Variants in ZNF804A observed in about 807,000 individuals in gnomAD.
ZNF804A encodes the protein zinc finger protein 804A.
A neutral mutation model predicts 16.5 loss-of-function variants in ZNF804A; 2 were observed. The ratio of observed to expected loss-of-function variants is 0.12; its 90% CI spans 0.05 to 0.38. The LOEUF (loss-of-function observed/expected upper bound fraction) is 0.38. Ranked by LOEUF, ZNF804A falls within the 10% of genes least tolerant of loss-of-function variation. The pLI, the probability that ZNF804A is intolerant of heterozygous loss-of-function variation, is 0.99. For synonymous variants in ZNF804A, 534 were observed against 489.6 expected (o/e 1.09, Z -1.20); for missense variants, 1,473 against 1,390.7 (o/e 1.06, Z -0.94).
At chr2:184,877,903 A>G (rs1384217649) in intron 2 of ZNF804A, among the ~76,000 whole-genome samples, 3 of 152,142 alleles carry the variant, frequency 2.0e-5, no homozygotes, top group Non-Finnish European at 1.5e-5. Context: ...AGAGAAACAA[A>G]GAGAATGGAG....
chr2:184,676,039 C>T (rs1692423826), intron 1 of ZNF804A, among the ~76,000 whole-genome samples: 1 of 151,738 alleles, frequency 6.6e-6, no homozygotes, highest in African/African-American at 2.4e-5. Context: ...CTTCTACTCA[C>T]ATTACTTACA....
intron 1 of ZNF804A, among the ~76,000 whole-genome samples, chr2:184,652,367 G>A (rs1270989650): frequency 6.6e-6 from 1 of 151,950 alleles, no homozygotes; most frequent in Admixed American, 6.6e-5. Context: ...GGTATCATTC[G>A]TACTCCAAAC....
At chr2:184,904,616 T>C (rs1478676260) in intron 2 of ZNF804A, among the ~76,000 whole-genome samples, 1 of 152,090 alleles carries the variant, frequency 6.6e-6, no homozygotes, top group Non-Finnish European at 1.5e-5. Flanking sequence ...AATCTTCTAA[T>C]ACTGTATAAC....
At chr2:184,859,871 C>A (rs1695768986) in intron 1 of ZNF804A, among the ~76,000 whole-genome samples, 1 of 152,218 alleles carries the variant, frequency 6.6e-6, no homozygotes, top group Non-Finnish European at 1.5e-5. Context: ...GGCCTAGTAC[C>A]TATGGCTTTC....
intron 1 of ZNF804A, among the ~76,000 whole-genome samples, chr2:184,619,872 AAATT>A (rs1416449347): frequency 6.6e-6 from 1 of 151,960 alleles, no homozygotes; most frequent in East Asian, 1.9e-4. Flanking sequence ...CAAACTAAAT[AAATT>A]ATTTGCAAAA....
At chr2:184,707,280 A>G (rs1179241003) in intron 1 of ZNF804A, among the ~76,000 whole-genome samples, 1 of 152,020 alleles carries the variant, frequency 6.6e-6, no homozygotes, top group Admixed American at 6.6e-5. Context: ...ATTTTATTTC[A>G]TTTTTACTTT....
At chr2:184,883,556 A>G (rs1684841539) in intron 2 of ZNF804A, among the ~76,000 whole-genome samples, 1 of 152,074 alleles carries the variant, frequency 6.6e-6, no homozygotes, top group African/African-American at 2.4e-5. Flanking sequence ...ATAGATGCAA[A>G]AATAAGAGCT....
chr2:184,842,525 A>T (rs75862412), intron 1 of ZNF804A, among the ~76,000 whole-genome samples: 27,085 of 150,828 alleles, frequency 0.18, 2,899 homozygotes, highest in African/African-American at 0.3. Flanking sequence ...TTTTTTTTTA[A>T]AAAAAAAGGA....
At chr2:184,682,650 T>G (rs1314687132) in intron 1 of ZNF804A, among the ~76,000 whole-genome samples, 1 of 152,208 alleles carries the variant, frequency 6.6e-6, no homozygotes, top group African/African-American at 2.4e-5. Flanking sequence ...AATGAATTAT[T>G]TAACTCTGTC....
chr2:184,689,074 T>C (rs1338185901), intron 1 of ZNF804A, among the ~76,000 whole-genome samples: 1 of 152,196 alleles, frequency 6.6e-6, no homozygotes, highest in Non-Finnish European at 1.5e-5. Context: ...TGGAATATTC[T>C]ACACACAAGG....
chr2:184,634,237 T>C (rs1284634547), intron 1 of ZNF804A, among the ~76,000 whole-genome samples: 1 of 152,222 alleles, frequency 6.6e-6, no homozygotes, highest in African/African-American at 2.4e-5. Flanking sequence ...ATTAATTTTG[T>C]ATATTTTAAA....
intron 2 of ZNF804A, among the ~76,000 whole-genome samples, chr2:184,898,634 C>A (rs1362310147): frequency 3.3e-5 from 5 of 151,990 alleles, no homozygotes; most frequent in Middle Eastern, 3.4e-3. Flanking sequence ...TATATTTTAC[C>A]TTTCTCTAGA....
intron 1 of ZNF804A, among the ~76,000 whole-genome samples, chr2:184,750,421 T>C (rs901318205): frequency 6.6e-6 from 1 of 151,418 alleles, no homozygotes; most frequent in Non-Finnish European, 1.5e-5. Flanking sequence ...GTTTTATTCA[T>C]AATGAATTGC....
At chr2:184,772,996 G>T (rs570530078) in intron 1 of ZNF804A, among the ~76,000 whole-genome samples, 2 of 146,050 alleles carry the variant, frequency 1.4e-5, no homozygotes, top group African/African-American at 5.0e-5. Flanking sequence ...TGTGTGGGGT[G>T]TGTGTGTGTA....
chr2:184,814,960 A>C (rs1694959568), intron 1 of ZNF804A, among the ~76,000 whole-genome samples: 1 of 152,068 alleles, frequency 6.6e-6, no homozygotes, highest in African/African-American at 2.4e-5. Context: ...TCAAGAACAG[A>C]CATTGCTAGC....
At chr2:184,885,494 A>T (rs575927712) in intron 2 of ZNF804A, among the ~76,000 whole-genome samples, 1 of 152,322 alleles carries the variant, frequency 6.6e-6, no homozygotes, top group South Asian at 2.1e-4. Flanking sequence ...ACACCATGGA[A>T]TCCTACACAA....
intron 1 of ZNF804A, among the ~76,000 whole-genome samples, chr2:184,854,192 T>C (rs1695651129): frequency 6.6e-6 from 1 of 151,846 alleles, no homozygotes; most frequent in South Asian, 2.1e-4. Flanking sequence ...AATCTGAAAA[T>C]TTTTAGAGCT....
chr2:184,718,595 G>A (rs188650360), intron 1 of ZNF804A, among the ~76,000 whole-genome samples: 1 of 152,190 alleles, frequency 6.6e-6, no homozygotes, highest in East Asian at 1.9e-4. Context: ...AGGAGAAATT[G>A]GCCAAAACAA....
intron 2 of ZNF804A, among the ~76,000 whole-genome samples, chr2:184,918,347 C>A (rs1183532795): frequency 6.6e-6 from 1 of 152,116 alleles, no homozygotes; most frequent in African/African-American, 2.4e-5. Flanking sequence ...GGAACTAAGA[C>A]TTCTAGACCA....
Sources: gnomAD v4.1 joint callset for allele counts (sites outside exome capture counted in the v4.1 genomes callset) on GRCh38, gnomAD v4.1.1 for gene constraint, MANE v1.5 for transcripts, NCBI Gene and HGNC (gene_info 2026-07-23, HGNC 2026-07-21) for gene names.